The following MACROD2 variants were observed in gnomAD, a reference collection of about 807,000 sequenced individuals.
MACROD2 encodes mono-ADP ribosylhydrolase 2.
In MACROD2, 36 loss-of-function variants were observed where a neutral mutation model predicts 70.4. The observed-to-expected ratio is 0.51, with a 90% CI of 0.39 to 0.68. The LOEUF (loss-of-function observed/expected upper bound fraction) is 0.68. Among genes scored for constraint, MACROD2 ranks in the 30% least tolerant of loss-of-function variants. MACROD2 has a pLI of 0.00. For missense variants in MACROD2, 496 were observed against 538.4 expected, an observed-to-expected ratio of 0.92 and a Z score of 0.78; for synonymous variants, 172 against 178.8, an observed-to-expected ratio of 0.96 and a Z score of 0.30.
intron 5 of MACROD2, among the ~76,000 whole-genome samples, chr20:14,728,236 T>C (rs1167285914): frequency 6.6e-6 from 1 of 152,228 alleles, no homozygotes; most frequent in Non-Finnish European, 1.5e-5. Flanking sequence ...CACTTAAAGA[T>C]GTAGCAATTT....
rs550161863 is a variant in MACROD2, at chr20:15,164,631, C to T, written c.419-65309C>T. 2.0e-4 allele frequency among the ~76,000 whole-genome samples: 31 copies of T among 152,140 alleles called. 1 individual carries two copies. In the South Asian group the frequency reaches 3.5e-3, roughly 17 times the overall value. On this transcript the variant is annotated intron_variant, in intron 5 of 17. Coordinates refer to ENST00000684519, the MANE Select transcript of MACROD2 (RefSeq NM_001351661.2). ...AAGTAACAGGCTGGGTATGGTGGCT[C>T]ATGCCTGTAATGCTGGTACTTTGGA...
At chr20:15,261,785 A>C (rs909659250) in intron 6 of MACROD2, among the ~76,000 whole-genome samples, 1 of 152,024 alleles carries the variant, frequency 6.6e-6, no homozygotes, top group Non-Finnish European at 1.5e-5. Flanking sequence ...ATTGTATGCA[A>C]ATATAGCCAC....
chr20:14,439,029 G>A (rs539272813), intron 3 of MACROD2, among the ~76,000 whole-genome samples: 77 of 152,262 alleles, frequency 5.1e-4, no homozygotes, highest in African/African-American at 1.7e-3. Flanking sequence ...GACTTTTGCG[G>A]TTTCAGGTCT....
chr20:14,533,345 C>T (rs1343898523), intron 4 of MACROD2, among the ~76,000 whole-genome samples: 1 of 152,142 alleles, frequency 6.6e-6, no homozygotes, highest in Non-Finnish European at 1.5e-5. Flanking sequence ...CTAACAAAAG[C>T]CAGTTCTATC....
At chr20:15,782,919 G>GT (rs950319744) in intron 8 of MACROD2, among the ~76,000 whole-genome samples, 2 of 151,686 alleles carry the variant, frequency 1.3e-5, no homozygotes, top group African/African-American at 4.8e-5. Context: ...ATGTTTTAGG[G>GT]TTTTTTTCCC....
chr20:14,992,300 A>G (rs1451043146), intron 5 of MACROD2, among the ~76,000 whole-genome samples: 1 of 152,154 alleles, frequency 6.6e-6, no homozygotes, highest in African/African-American at 2.4e-5. Flanking sequence ...ACAAAACACA[A>G]TGGTGTCTCT....
In MACROD2 at chr20:15,855,812, C is replaced by T. The variant is rs1260572155; in HGVS notation, c.646-6933C>T. ...TCTTTTTTTTCTGGGTTCTGTTATACAACATTATGCTTGTGAGATTTGCCC... is the reference window on the plus strand; with the variant it reads ...TCTTTTTTTTCTGGGTTCTGTTATATAACATTATGCTTGTGAGATTTGCCC... On this transcript the variant is annotated intron_variant, in intron 8 of 17. Coordinates refer to ENST00000684519, the MANE Select transcript of MACROD2 (RefSeq NM_001351661.2). Among the ~76,000 whole-genome samples, 114 of 152,216 alleles carry T rather than the reference C, an allele frequency of 7.5e-4. 1 individual carries two copies. Among genetic ancestry groups the T allele is most frequent in the Non-Finnish European group, 2.9e-5 (2 of 68,018 alleles).
chr20:15,131,649 T>A (rs1467599297), intron 5 of MACROD2, among the ~76,000 whole-genome samples: 2 of 152,042 alleles, frequency 1.3e-5, no homozygotes, highest in Non-Finnish European at 2.9e-5. Flanking sequence ...ATCTTGATAA[T>A]GGAAGATTGA....
At chr20:14,985,526 G>A (rs997521157) in intron 5 of MACROD2, among the ~76,000 whole-genome samples, 1 of 152,092 alleles carries the variant, frequency 6.6e-6, no homozygotes, top group African/African-American at 2.4e-5. Flanking sequence ...AACAGCAGTG[G>A]ACTCCTTATC....
intron 9 of MACROD2, among the ~76,000 whole-genome samples, chr20:15,882,384 C>T (rs1447301261): frequency 6.6e-6 from 1 of 151,990 alleles, no homozygotes; most frequent in Non-Finnish European, 1.5e-5. Context: ...GTAAATTATT[C>T]TCTTTGGAAT....
intron 4 of MACROD2, among the ~76,000 whole-genome samples, chr20:14,573,908 G>A (rs1054922691): frequency 3.3e-5 from 5 of 152,202 alleles, no homozygotes; most frequent in African/African-American, 1.2e-4. Flanking sequence ...GGAATGGCTT[G>A]TTCCAGTTAT....
At chr20:14,634,538 C>A (rs1984680469) in intron 4 of MACROD2, among the ~76,000 whole-genome samples, 1 of 96,746 alleles carries the variant, frequency 1.0e-5, no homozygotes, top group Admixed American at 1.5e-4. Flanking sequence ...TCCTTCTTAT[C>A]CCTCCCCCCG....
intron 5 of MACROD2, among the ~76,000 whole-genome samples, chr20:14,913,486 A>G (rs562324296): frequency 4.6e-5 from 7 of 152,226 alleles, no homozygotes; most frequent in African/African-American, 1.7e-4. Context: ...CAGGAGTTCA[A>G]GACCAGCCTG....
rs995507564 is a variant in MACROD2 at position 14,199,985 on chromosome 20, A to G, written c.271+114257A>G. Among the ~76,000 whole-genome samples, 56 of 152,320 alleles carry G rather than the reference A, an allele frequency of 3.7e-4. No individual in the cohort carries two copies. The Middle Eastern group carries it at 0.01, about 28-fold the overall frequency. ...TCTTATGGTATTTATTGTAAATATCATAAGAACCAATGTCATGATTAGTAA... is the reference window on the plus strand; with the variant it reads ...TCTTATGGTATTTATTGTAAATATCGTAAGAACCAATGTCATGATTAGTAA... On this transcript the variant is annotated intron_variant, in intron 3 of 17. Transcript: ENST00000684519.
intron 5 of MACROD2, among the ~76,000 whole-genome samples, chr20:15,007,949 T>A (rs1321904108): frequency 1.3e-5 from 2 of 152,130 alleles, no homozygotes. Flanking sequence ...TCCAAAGAAA[T>A]GTAGGATCTG....
intron 5 of MACROD2, among the ~76,000 whole-genome samples, chr20:15,000,751 TTA>T (rs1241573048): frequency 6.6e-6 from 1 of 151,516 alleles, no homozygotes; most frequent in Non-Finnish European, 1.5e-5. Flanking sequence ...TGTGTTATCC[TTA>T]GGTGGAAATT....
intron 2 of MACROD2, among the ~76,000 whole-genome samples, chr20:14,062,670 A>T (rs2053704264): frequency 1.3e-5 from 2 of 152,114 alleles, no homozygotes; most frequent in African/African-American, 4.8e-5. Flanking sequence ...ATGCCAGGGG[A>T]GTTGCAGTGA....
chr20:14,881,813 A>G (rs1403490032), intron 5 of MACROD2, among the ~76,000 whole-genome samples: 1 of 152,162 alleles, frequency 6.6e-6, no homozygotes, highest in Non-Finnish European at 1.5e-5. Flanking sequence ...TAAAGGGACC[A>G]GGGGAAGTTC....
intron 5 of MACROD2, among the ~76,000 whole-genome samples, chr20:15,068,708 G>A (rs1384364039): frequency 1.3e-5 from 2 of 152,142 alleles, no homozygotes; most frequent in African/African-American, 4.8e-5. Flanking sequence ...TGGGTGTGAT[G>A]TTTGTACAGC....
Sources: gnomAD v4.1 joint callset for allele counts (sites outside exome capture counted in the v4.1 genomes callset) on GRCh38, gnomAD v4.1.1 for gene constraint, MANE v1.5 for transcripts, NCBI Gene and HGNC (gene_info 2026-07-23, HGNC 2026-07-21) for gene names.